The following UNC5C variants were observed in gnomAD, a reference collection of about 807,000 sequenced individuals.
The protein encoded by UNC5C is netrin receptor UNC5C.
A neutral mutation model predicts 99.8 loss-of-function variants in UNC5C; 47 were observed. The ratio of observed to expected loss-of-function variants is 0.47; its 90% CI spans 0.37 to 0.60. The LOEUF (loss-of-function observed/expected upper bound fraction) is 0.60. Among genes scored for constraint, UNC5C ranks in the 20% least tolerant of loss-of-function variants. The probability of loss-of-function intolerance (pLI) is 0.00; values close to 1 mark genes in which losing one functional copy is unlikely to be tolerated. For synonymous variants in UNC5C, 487 were observed against 452.2 expected, an observed-to-expected ratio of 1.08 and a Z score of -0.98; for missense variants, 1,062 against 1,165.9, an observed-to-expected ratio of 0.91 and a Z score of 1.30.
At position 95,423,982 on chromosome 4, in the gene UNC5C, A is replaced by G. The variant is rs1746393228; in HGVS notation, c.125-88351T>C. Among the ~76,000 whole-genome samples the G allele has an allele frequency of 1.3e-5, 2 of 152,240 alleles. 1 individual carries two copies. The highest frequency in any genetic ancestry group is 1.3e-4 in the Admixed American group (2 of 15,288). On this transcript the variant is annotated intron_variant, in intron 1 of 15. Transcript: ENST00000453304. ...CCCAATCTAGATGGTCTTAAGGTGG[A>G]AAACTATATAACAAAATTGATCAGT...
chr4:95,172,565 T>C (rs1736167143), intron 14 of UNC5C, among the ~76,000 whole-genome samples: 1 of 151,918 alleles, frequency 6.6e-6, no homozygotes, highest in Admixed American at 6.6e-5. Context: ...TGCGGCGTTA[T>C]TTCTGAGGGC....
chr4:95,520,461 A>G (rs911695390), intron 1 of UNC5C, among the ~76,000 whole-genome samples: 27 of 152,336 alleles, frequency 1.8e-4, no homozygotes, highest in African/African-American at 6.3e-4. Context: ...CTGAACTCTG[A>G]TATAAATACT....
intron 1 of UNC5C, among the ~76,000 whole-genome samples, chr4:95,356,015 C>T (rs371169977): frequency 1.3e-5 from 2 of 151,586 alleles, no homozygotes; most frequent in Non-Finnish European, 1.5e-5. Context: ...CATAGAGAGA[C>T]CCTGTATCTA....
rs1721684739 is a variant in UNC5C, at chr4:95,498,425, C to T, written c.124+50309G>A. Among the ~76,000 whole-genome samples the T allele has an allele frequency of 2.0e-5, 3 of 151,900 alleles. No homozygotes were observed. The South Asian group carries it at 6.2e-4, about 32-fold the overall frequency. On this transcript the variant is annotated intron_variant, in intron 1 of 15. Transcript: ENST00000453304. ...GCTGTACTTAAAATTAAACATTTTC[C>T]TTTGACTAGTTGAAAAGTGTTACAT...
At chr4:95,255,652 G>A (rs531837694) in intron 4 of UNC5C, among the ~76,000 whole-genome samples, 2 of 151,978 alleles carry the variant, frequency 1.3e-5, no homozygotes, top group East Asian at 1.9e-4. Context: ...TCTTAGTCTC[G>A]CTCTTCTATT....
At chr4:95,379,216 T>C (rs993669076) in intron 1 of UNC5C, among the ~76,000 whole-genome samples, 2 of 152,120 alleles carry the variant, frequency 1.3e-5, no homozygotes, top group African/African-American at 4.8e-5. Context: ...TTAACGTACT[T>C]TACATTTCAA....
chr4:95,484,376 A>G (rs1194638024), intron 1 of UNC5C, among the ~76,000 whole-genome samples: 2 of 151,750 alleles, frequency 1.3e-5, no homozygotes, highest in Non-Finnish European at 2.9e-5. Flanking sequence ...AGTGTGAGAG[A>G]TATTATGAAT....
chr4:95,513,647 A>G (rs1038961772), intron 1 of UNC5C, among the ~76,000 whole-genome samples: 1 of 152,292 alleles, frequency 6.6e-6, no homozygotes, highest in African/African-American at 2.4e-5. Flanking sequence ...ATATATAGAC[A>G]TACATAGATA....
At chr4:95,273,620 GA>G in intron 4 of UNC5C, among the ~76,000 whole-genome samples, 1 of 152,306 alleles carries the variant, frequency 6.6e-6, no homozygotes, top group Non-Finnish European at 1.5e-5. Context: ...ACCAGAAATG[GA>G]AGAAAACAAT....
chr4:95,414,101 C>T (rs913591122), intron 1 of UNC5C, among the ~76,000 whole-genome samples: 6 of 152,150 alleles, frequency 3.9e-5, no homozygotes, highest in Admixed American at 6.5e-5. Flanking sequence ...TATTCAATAG[C>T]TCAAATGGTT....
chr4:95,548,563 T>A (rs892963315), intron 1 of UNC5C, among the ~76,000 whole-genome samples, 171 bp downstream of exon 1: 80 of 151,814 alleles, frequency 5.3e-4, no homozygotes, highest in African/African-American at 1.7e-3. Context: ...TAATAATTAT[T>A]ATTATTATAA....
At chr4:95,181,878 A>G (rs1736626089) in intron 14 of UNC5C, among the ~76,000 whole-genome samples, 1 of 152,268 alleles carries the variant, frequency 6.6e-6, no homozygotes, top group Non-Finnish European at 1.5e-5. Flanking sequence ...CAAGCTGAAC[A>G]TGCTGACATT....
intron 11 of UNC5C, among the ~76,000 whole-genome samples, chr4:95,203,900 G>A (rs376961909): frequency 3.9e-5 from 6 of 152,086 alleles, no homozygotes; most frequent in Non-Finnish European, 5.9e-5. Context: ...TTCCTGAGTC[G>A]TCATCTGATG....
chr4:95,387,923 C>CCCGTAAGA (rs981467671), intron 1 of UNC5C, among the ~76,000 whole-genome samples: 1 of 152,102 alleles, frequency 6.6e-6, no homozygotes, highest in Non-Finnish European at 1.5e-5. Context: ...ATAAGTAAAA[C>CCCGTAAGA]CCGTAAGAAT....
intron 1 of UNC5C, among the ~76,000 whole-genome samples, chr4:95,455,020 A>T (rs1176251824): frequency 6.6e-6 from 1 of 152,158 alleles, no homozygotes; most frequent in Admixed American, 6.6e-5. Context: ...ATAAGAAATT[A>T]TACTGCTCTC....
intron 1 of UNC5C, among the ~76,000 whole-genome samples, chr4:95,451,112 T>C (rs1747268328): frequency 6.6e-6 from 1 of 152,210 alleles, no homozygotes; most frequent in Admixed American, 6.5e-5. Context: ...GCATCACTAG[T>C]AGAGTGTTTG....
chr4:95,186,368 A>G (rs775545149), intron 12 of UNC5C, among the ~76,000 whole-genome samples: 4 of 152,206 alleles, frequency 2.6e-5, no homozygotes, highest in Non-Finnish European at 5.9e-5. Flanking sequence ...TACCAAGCAC[A>G]GGTGGGTCGC....
At chr4:95,477,216 A>G (rs925144272) in intron 1 of UNC5C, among the ~76,000 whole-genome samples, 1 of 152,024 alleles carries the variant, frequency 6.6e-6, no homozygotes, top group African/African-American at 2.4e-5. Flanking sequence ...TGTTTAGCCA[A>G]GTGATTTTCT....
intron 1 of UNC5C, among the ~76,000 whole-genome samples, chr4:95,428,273 A>C (rs976932920): frequency 6.6e-6 from 1 of 152,108 alleles, no homozygotes; most frequent in African/African-American, 2.4e-5. Flanking sequence ...CCACATCGTA[A>C]TCTTGGCACA....
Sources: allele counts gnomAD v4.1 joint callset (sites outside exome capture counted in the v4.1 genomes callset), GRCh38; gene constraint gnomAD v4.1.1; transcripts MANE v1.5; gene names NCBI Gene and HGNC (gene_info 2026-07-23, HGNC 2026-07-21).